TMEM178A: variants seen among roughly 807,000 people sequenced by gnomAD.
The protein encoded by TMEM178A is transmembrane protein 178.
Under a neutral mutation model 29.1 loss-of-function variants are expected in TMEM178A, and 12 were observed. That is an observed-to-expected ratio of 0.41 (90% CI 0.26 to 0.67). The LOEUF (loss-of-function observed/expected upper bound fraction) is 0.67, where lower values mean the gene tolerates loss of function less well. Ranked by LOEUF, TMEM178A falls within the 30% of genes least tolerant of loss-of-function variation. The pLI, the probability that TMEM178A is intolerant of heterozygous loss-of-function variation, is 0.29. For synonymous variants in TMEM178A, 210 were observed against 187.2 expected, an observed-to-expected ratio of 1.12 and a Z score of -0.99; for missense variants, 366 against 419.1, an observed-to-expected ratio of 0.87 and a Z score of 1.11.
chr2:39,725,932 T>C, the TMEM178A span, among the ~76,000 whole-genome samples: 1 of 152,202 alleles, frequency 6.6e-6, no homozygotes, highest in South Asian at 2.1e-4. Flanking sequence ...TGTGTTCACT[T>C]GCTCATTCAT....
At chr2:39,688,483 G>A (rs902246352) in intron 1 of TMEM178A, among the ~76,000 whole-genome samples, 5 of 152,230 alleles carry the variant, frequency 3.3e-5, no homozygotes, top group Non-Finnish European at 7.3e-5. Flanking sequence ...CTACCATGAG[G>A]CTCTTGCCAC....
the TMEM178A span, among the ~76,000 whole-genome samples, chr2:39,732,368 G>T: frequency 1.3e-5 from 2 of 152,180 alleles, no homozygotes; most frequent in Non-Finnish European, 2.9e-5. Context: ...CACACTGAGA[G>T]GAAAAAGCAC....
chr2:39,697,108 A>G (rs1456440667), intron 1 of TMEM178A, among the ~76,000 whole-genome samples: 1 of 152,230 alleles, frequency 6.6e-6, no homozygotes, highest in Non-Finnish European at 1.5e-5. Flanking sequence ...TTAACAGTAT[A>G]AATTATTCCT....
chr2:39,666,975 A>G (rs1419716653), intron 1 of TMEM178A, among the ~76,000 whole-genome samples: 1 of 152,206 alleles, frequency 6.6e-6, no homozygotes, highest in Non-Finnish European at 1.5e-5. Flanking sequence ...ACCTTCCTTC[A>G]TACCCCTGAA....
At chr2:39,671,302 A>G (rs1670398747) in intron 1 of TMEM178A, among the ~76,000 whole-genome samples, 1 of 152,232 alleles carries the variant, frequency 6.6e-6, no homozygotes, top group African/African-American at 2.4e-5. Context: ...GGACCCACCA[A>G]GTTCTACCTG....
chr2:39,678,739 A>C (rs1327105070), intron 1 of TMEM178A, among the ~76,000 whole-genome samples: 1 of 152,218 alleles, frequency 6.6e-6, no homozygotes, highest in African/African-American at 2.4e-5. Flanking sequence ...CTACAGCTAC[A>C]AGTCTGAATT....
At chr2:39,675,541 T>C (rs2148058929) in intron 1 of TMEM178A, among the ~76,000 whole-genome samples, 1 of 152,312 alleles carries the variant, frequency 6.6e-6, no homozygotes, top group African/African-American at 2.4e-5. Context: ...TGCGGTATTA[T>C]TTTGATGATG....
chr2:39,704,143 A>G lies in TMEM178A; in HGVS notation c.463A>G (p.Ile155Val). The change falls in exon 2 of 4, where the codon ATT becomes GTT. Residue 155 changes from isoleucine (I) to valine (V), a missense_variant. Physicochemically the swap from Ile to Val is conservative, Grantham distance 29 (BLOSUM62 3). Around this residue, in one of 2 missense-constraint regions of TMEM178A, gnomAD observed 247 missense variants for 246.8 expected, o/e 1.00. Transcript: ENST00000281961. ...TTCTCAGCCCATCCGCTTGCGAAAC[A>G]TTCCTTTTAATTTAACCAAGACCAT... Reference protein sequence around the residue: ...HFSQPIRLRNIPFNLTKTIQQ... With the variant: ...HFSQPIRLRNVPFNLTKTIQQ... The G allele has an allele frequency of 1.2e-6, 2 of 1,614,166 alleles. No individual in the cohort carries two copies. The highest frequency in any genetic ancestry group is 1.7e-6 in the Non-Finnish European group (2 of 1,180,016).
At chr2:39,730,780 C>G in the TMEM178A span, among the ~76,000 whole-genome samples, 7 of 152,228 alleles carry the variant, frequency 4.6e-5, no homozygotes, top group Non-Finnish European at 8.8e-5. Flanking sequence ...CCCAGACACT[C>G]TAGTGATAAG....
At chr2:39,675,142 A>G (rs1250262497) in intron 1 of TMEM178A, among the ~76,000 whole-genome samples, 1 of 152,168 alleles carries the variant, frequency 6.6e-6, no homozygotes, top group African/African-American at 2.4e-5. Flanking sequence ...TATGAGACAG[A>G]ATATATTGCT....
At chr2:39,719,484 A>C (rs1000658168), downstream of TMEM178A, among the ~76,000 whole-genome samples, 1 of 152,206 alleles carries the variant, frequency 6.6e-6, no homozygotes, top group East Asian at 1.9e-4. Context: ...CTTCCAGCCA[A>C]AGTGAGCTCG....
chr2:39,732,070 T>C, the TMEM178A span, among the ~76,000 whole-genome samples: 1 of 152,144 alleles, frequency 6.6e-6, no homozygotes, highest in African/African-American at 2.4e-5. Context: ...TCTAAACTGA[T>C]ACTCATGAGG....
At chr2:39,719,568 G>A (rs532505969), downstream of TMEM178A, among the ~76,000 whole-genome samples, 150 of 152,384 alleles carry the variant, frequency 9.8e-4, no homozygotes, top group African/African-American at 3.4e-3. Flanking sequence ...AATGTTGCCA[G>A]TGCTGGGCAT....
intron 1 of TMEM178A, among the ~76,000 whole-genome samples, chr2:39,681,446 G>A (rs1441186991): frequency 1.3e-5 from 2 of 152,188 alleles, no homozygotes; most frequent in Non-Finnish European, 2.9e-5. Flanking sequence ...AAAAGATTAA[G>A]AGGAGAAAAA....
chr2:39,686,963 A>ATGTG (rs4015737), intron 1 of TMEM178A, among the ~76,000 whole-genome samples: 36 of 120,328 alleles, frequency 3.0e-4, no homozygotes, highest in African/African-American at 4.7e-4. Flanking sequence ...GCACATATGC[A>ATGTG]TGTGTGTGTG....
intron 1 of TMEM178A, among the ~76,000 whole-genome samples, chr2:39,689,529 T>C (rs1302248006): frequency 1.3e-5 from 2 of 152,216 alleles, no homozygotes; most frequent in East Asian, 1.9e-4. Flanking sequence ...AAAGTAATGA[T>C]TGACATGGAA....
the TMEM178A span, among the ~76,000 whole-genome samples, chr2:39,732,118 C>T: frequency 6.6e-6 from 1 of 152,140 alleles, no homozygotes; most frequent in Non-Finnish European, 1.5e-5. Flanking sequence ...GCCATCTCTC[C>T]TTCCAGGAAA....
chr2:39,695,510 G>A (rs868776269), intron 1 of TMEM178A, among the ~76,000 whole-genome samples: 4 of 151,130 alleles, frequency 2.6e-5, no homozygotes, highest in Non-Finnish European at 5.9e-5. Flanking sequence ...CAGTGTTTGG[G>A]GTAGGCTTTT....
chr2:39,714,387 CTTAAA>C (rs1672444525), intron 3 of TMEM178A, among the ~76,000 whole-genome samples: 1 of 152,010 alleles, frequency 6.6e-6, no homozygotes, highest in Admixed American at 6.6e-5. Context: ...AGAGATAACA[CTTAAA>C]TTAATACAAA....
Sources: gnomAD v4.1 joint callset for allele counts (sites outside exome capture counted in the v4.1 genomes callset) on GRCh38, gnomAD v4.1.1 for gene constraint, gnomAD v4.1.1 regional missense constraint, MANE v1.5 for transcripts, NCBI Gene and HGNC (gene_info 2026-07-23, HGNC 2026-07-21) for gene names.